The following PKHD1 variants were observed in gnomAD, a reference collection of about 807,000 sequenced individuals.
The protein encoded by PKHD1 is fibrocystin.
Under a neutral mutation model 412.0 loss-of-function variants are expected in PKHD1, and 291 were observed. The observed-to-expected ratio is 0.71, with a 90% CI of 0.64 to 0.78. The LOEUF (loss-of-function observed/expected upper bound fraction) is 0.78. Among genes scored for constraint, PKHD1 ranks in the 30% least tolerant of loss-of-function variants. The pLI is 0.00. For synonymous variants in PKHD1, 1,777 were observed against 1,821.5 expected, an observed-to-expected ratio of 0.98 and a Z score of 0.62; for missense variants, 4,825 against 4,950.7, an observed-to-expected ratio of 0.97 and a Z score of 0.76.
intron 35 of PKHD1, among the ~76,000 whole-genome samples, chr6:51,992,449 G>A (rs1797154951): frequency 6.6e-6 from 1 of 152,202 alleles, no homozygotes; most frequent in African/African-American, 2.4e-5. Flanking sequence ...GAAGAGATGA[G>A]GCAAAGAAAT....
intron 53 of PKHD1, among the ~76,000 whole-genome samples, chr6:51,783,068 A>C (rs1223000921): frequency 1.3e-5 from 2 of 152,156 alleles, no homozygotes; most frequent in Non-Finnish European, 2.9e-5. Flanking sequence ...TTCTGGCTAC[A>C]AATGTGAGAC....
chr6:52,033,100 T>C lies in PKHD1; in HGVS notation c.3294A>G (p.Arg1098=). The C allele has an allele frequency of 6.2e-7, 1 of 1,611,218 alleles. No homozygotes were observed. Among genetic ancestry groups the C allele is most frequent in the Non-Finnish European group, 8.5e-7 (1 of 1,177,408 alleles). ...IRGDYSAVLP[R]AFTYVSSLNP... ...TTAAGGAAGAGACATATGTAAATGCTCTGGGAAGAACTGCAGAATAGTCCC... is the reference window on the plus strand; with the variant it reads ...TTAAGGAAGAGACATATGTAAATGCCCTGGGAAGAACTGCAGAATAGTCCC... The change falls in exon 29 of 67, where the codon AGA becomes AGG. Residue 1098 remains arginine, a synonymous_variant. Transcript: ENST00000371117.
Position 52,058,683 on chromosome 6 carries a change from T to C in PKHD1, c.1234-82A>G. The C allele has an allele frequency of 2.2e-6, 3 of 1,385,020 alleles. No homozygotes were observed. In the Admixed American group the frequency reaches 5.0e-5, roughly 23 times the overall value. The allele number at this position is 1,385,020 out of a possible 1,614,324, so 85.8% of individuals were successfully genotyped here. A position where few individuals can be genotyped will look rare whatever the true frequency, so the allele number is the denominator to read the frequency against. On this transcript the variant is annotated intron_variant, in intron 15 of 66. Transcript: ENST00000371117. The stretch of plus-strand genomic sequence containing the variant: ...CTCAAACACTAAGTGTCTGAACTGC[T>C]ACTATCAAGAGAGTTTTGAACTGGT...
intron 53 of PKHD1, among the ~76,000 whole-genome samples, chr6:51,776,406 A>C (rs1311206487): frequency 6.6e-6 from 1 of 152,020 alleles, no homozygotes; most frequent in African/African-American, 2.4e-5. Context: ...ACCTGAATAG[A>C]ATGCACAAGC....
chr6:52,026,783 A>G (rs1328710366), intron 31 of PKHD1, among the ~76,000 whole-genome samples: 1 of 152,220 alleles, frequency 6.6e-6, no homozygotes, highest in African/African-American at 2.4e-5. Flanking sequence ...CTACCTTCAT[A>G]GAATCTTTGC....
intron 8 of PKHD1, 54 bp from the exon 9 acceptor site, chr6:52,071,124 A>T: frequency 3.4e-6 from 4 of 1,186,656 alleles, no homozygotes; most frequent in Non-Finnish European, 5.1e-6. Flanking sequence ...CTACCAGAAG[A>T]TCTGACTCTT....
intron 50 of PKHD1, among the ~76,000 whole-genome samples, chr6:51,842,238 G>A (rs769013593): frequency 4.6e-5 from 7 of 152,248 alleles, no homozygotes; most frequent in Admixed American, 6.5e-5. Context: ...GTCCCAGCTC[G>A]GCTGCATCTC....
chr6:51,883,235 A>G lies in PKHD1; in HGVS notation c.7216-8T>C. 6 of 1,612,666 alleles carry G rather than the reference A, an allele frequency of 3.7e-6. No individual in the cohort carries two copies. The highest frequency in any genetic ancestry group is 5.1e-6 in the Non-Finnish European group (6 of 1,178,826). ...ATTGCTACTTCTAAAAATCTATAAA[A>G]TACAGCATGTTACAGCAAAGGTCTG... On this transcript the variant is annotated splice_region_variant and splice_polypyrimidine_tract_variant and intron_variant, in intron 45 of 66. Transcript: ENST00000371117.
chr6:51,671,231 G>A (rs529790699), intron 60 of PKHD1, among the ~76,000 whole-genome samples: 1 of 152,036 alleles, frequency 6.6e-6, no homozygotes, highest in Admixed American at 6.5e-5. Context: ...ATATTTCTTG[G>A]AGGCTTTGCT....
Position 51,632,735 on chromosome 6 carries a change from A to C in PKHD1, c.11507-12T>G. Reference sequence around the variant, plus strand: ...TGTAAAATTGACTCCTGTGGCGGGGAAAAGAAGATGTTTCAATGATATGTT... The same window carrying C: ...TGTAAAATTGACTCCTGTGGCGGGGCAAAGAAGATGTTTCAATGATATGTT... On this transcript the variant is annotated splice_polypyrimidine_tract_variant and intron_variant, in intron 64 of 66. Coordinates refer to ENST00000371117, the MANE Select transcript of PKHD1 (RefSeq NM_138694.4). The C allele has an allele frequency of 6.2e-7, 1 of 1,606,306 alleles. No individual in the cohort carries two copies. Among genetic ancestry groups the C allele is most frequent in the African/African-American group, 1.3e-5 (1 of 74,762 alleles).
intron 35 of PKHD1, among the ~76,000 whole-genome samples, chr6:51,984,387 C>T (rs1325335343): frequency 1.3e-5 from 2 of 152,216 alleles, no homozygotes; most frequent in Admixed American, 1.3e-4. Flanking sequence ...TTTAGGCATT[C>T]TGACTTGTTT....
chr6:51,682,044 G>A (rs1048170725), intron 60 of PKHD1: 23 of 197,138 alleles, frequency 1.2e-4, no homozygotes, highest in Admixed American at 7.9e-4. Flanking sequence ...AAGTACAAAC[G>A]AGAAATAAGC....
At chr6:51,669,094 T>C (rs1442054227) in intron 60 of PKHD1, among the ~76,000 whole-genome samples, 1 of 152,224 alleles carries the variant, frequency 6.6e-6, no homozygotes, top group Non-Finnish European at 1.5e-5. Context: ...TCTTTTTCTA[T>C]TGATTGGAAT....
Position 52,054,352 on chromosome 6 carries a change from C to A in PKHD1, c.1837-187G>T, listed in dbSNP as rs1221116321. Among the ~76,000 whole-genome samples the A allele has an allele frequency of 2.6e-5, 4 of 152,256 alleles. No homozygotes were observed. The East Asian group carries it at 7.7e-4, about 29-fold the overall frequency. On this transcript the variant is annotated intron_variant, in intron 19 of 66. Coordinates refer to ENST00000371117, the MANE Select transcript of PKHD1 (RefSeq NM_138694.4). Reference sequence around the variant, plus strand: ...AATAACTTAAATTGTTATTTCCCTACCTAAATAAAGCTAAGGAAAAATACA... The same window carrying A: ...AATAACTTAAATTGTTATTTCCCTAACTAAATAAAGCTAAGGAAAAATACA...
chr6:51,827,095 T>C (rs1040558914), intron 52 of PKHD1, among the ~76,000 whole-genome samples: 2 of 152,196 alleles, frequency 1.3e-5, no homozygotes, highest in Non-Finnish European at 2.9e-5. Context: ...CACTTTCATT[T>C]TGTAAAATCA....
intron 60 of PKHD1, among the ~76,000 whole-genome samples, chr6:51,680,823 A>G (rs1345589923): frequency 6.6e-6 from 1 of 152,078 alleles, no homozygotes; most frequent in East Asian, 1.9e-4. Flanking sequence ...TGTAAAGATA[A>G]ATGAACGGTT....
At chr6:51,853,878 T>C (rs573603769) in intron 49 of PKHD1, among the ~76,000 whole-genome samples, 46 of 152,130 alleles carry the variant, frequency 3.0e-4, no homozygotes, top group Middle Eastern at 3.4e-3. Context: ...CTTTCACTCA[T>C]TGTAGTTTTT....
chr6:52,077,858 A>T (rs886608986), intron 5 of PKHD1, among the ~76,000 whole-genome samples: 2 of 152,168 alleles, frequency 1.3e-5, no homozygotes, highest in African/African-American at 4.8e-5. Flanking sequence ...CCTGCCAAAC[A>T]TTCAGTCCCC....
chr6:51,754,055 C>A (rs1303815910), intron 56 of PKHD1, among the ~76,000 whole-genome samples: 3 of 152,154 alleles, frequency 2.0e-5, no homozygotes, highest in African/African-American at 7.2e-5. Context: ...CTGGTGAAAC[C>A]ATGGATTTGC....
Sources: allele counts gnomAD v4.1 joint callset (sites outside exome capture counted in the v4.1 genomes callset), GRCh38; gene constraint gnomAD v4.1.1; transcripts MANE v1.5; gene names NCBI Gene and HGNC (gene_info 2026-07-23, HGNC 2026-07-21).